STARD9: variants seen among roughly 807,000 people sequenced by gnomAD.
The protein encoded by STARD9 is StAR related lipid transfer domain containing 9, also known as stAR-related lipid transfer protein 9.
Under a neutral mutation model 399.8 loss-of-function variants are expected in STARD9, and 346 were observed. The observed-to-expected ratio is 0.87, with a 90% CI of 0.79 to 0.95. STARD9 has a LOEUF of 0.95. Among genes scored for constraint, STARD9 ranks in the 40% least tolerant of loss-of-function variants. STARD9 has a pLI of 0.00. For synonymous variants in STARD9, 2,203 were observed against 2,143.5 expected, an observed-to-expected ratio of 1.03 and a Z score of -0.77; for missense variants, 5,832 against 5,667.5, an observed-to-expected ratio of 1.03 and a Z score of -0.93.
At chr15:42,699,602 C>T (rs1277197216) in intron 26 of STARD9, among the ~76,000 whole-genome samples, 1 of 151,714 alleles carries the variant, frequency 6.6e-6, no homozygotes, top group Admixed American at 6.6e-5. Context: ...ACCATGTTAG[C>T]CAGGATGGTC....
rs565762474 is a variant in STARD9, at chr15:42,711,097, C to T, written c.13285-5580C>T. On this transcript the variant is annotated intron_variant, in intron 26 of 32. Transcript: ENST00000290607. ...ACCTCAAGTGATCCTCCCGCCTCAG[C>T]CTCTCAAAGTGCTGAAATTACCATC... is the stretch of plus-strand genomic sequence containing the variant. Among the ~76,000 whole-genome samples, 6 of 152,062 alleles carry T rather than the reference C, an allele frequency of 3.9e-5. No individual in the cohort carries two copies. The East Asian group carries it at 1.2e-3, about 29-fold the overall frequency.
chr15:42,686,324 A>G lies in STARD9; in HGVS notation c.4746A>G (p.Lys1582=), dbSNP rs2060555269. ...GVSDFFSTSE[K]EASYDETYSA... The stretch of plus-strand genomic sequence containing the variant: ...CAGATTTCTTTAGCACTAGTGAGAA[A>G]GAGGCGAGTTATGACGAAACTTATT... The change falls in exon 23 of 33, where the codon AAA becomes AAG. Residue 1582 remains lysine (K), a synonymous_variant. Transcript: ENST00000290607. 1 of 1,537,554 alleles carries G rather than the reference A, an allele frequency of 6.5e-7. No individual in the cohort carries two copies. The highest frequency in any genetic ancestry group is 2.0e-5 in the Admixed American group (1 of 51,014).
chr15:42,621,487 T>C (rs2059092793), intron 3 of STARD9, among the ~76,000 whole-genome samples: 1 of 152,172 alleles, frequency 6.6e-6, no homozygotes, highest in Non-Finnish European at 1.5e-5. Flanking sequence ...CTACGATAGG[T>C]TCAGATACAG....
intron 9 of STARD9, among the ~76,000 whole-genome samples, chr15:42,659,301 T>C (rs1161872710): frequency 6.6e-6 from 1 of 152,168 alleles, no homozygotes; most frequent in African/African-American, 2.4e-5. Context: ...CAAAATATGC[T>C]AGTGACAATT....
chr15:42,689,002 GAGTC>G lies in STARD9; in HGVS notation c.7428_7431del (p.Ser2477HisfsTer2). The stretch of plus-strand genomic sequence containing the variant: ...GAGGTGGCTGTACAAAAAGAAATAA[GAGTC>G]AGTTCACTGAACAAGGTCTCTAGCC... On this transcript the variant is annotated frameshift_variant, in exon 23 of 33. Transcript: ENST00000290607. LOFTEE classifies it high-confidence loss of function. 1 of 1,537,344 alleles carries G rather than the reference GAGTC, an allele frequency of 6.5e-7. No individual in the cohort carries two copies. The highest frequency in any genetic ancestry group is 8.7e-7 in the Non-Finnish European group (1 of 1,146,924).
At position 42,582,707 on chromosome 15, in the gene STARD9, T is replaced by C. The variant is rs145999273; in HGVS notation, c.48-639T>C. ...GATGCTCTCTAGAGTTTCTTTTCTTTTGAGAGATGAGATCTTGCTCTGTCA... is the reference window on the plus strand; with the variant it reads ...GATGCTCTCTAGAGTTTCTTTTCTTCTGAGAGATGAGATCTTGCTCTGTCA... On this transcript the variant is annotated intron_variant, in intron 1 of 32. Transcript: ENST00000290607. 2.8e-4 allele frequency among the ~76,000 whole-genome samples: 42 copies of C among 152,326 alleles called. No individual in the cohort carries two copies. In the East Asian group the frequency reaches 5.8e-3, roughly 21 times the overall value.
rs185755328 is a variant in STARD9 at position 42,637,810 on chromosome 15, C to G, written c.352-97C>G. ...AAGAGGCTAGCACAAGGAGTCCATG[C>G]ACTCATCCCCCATGCTGAGGATGGT... is the stretch of plus-strand genomic sequence containing the variant. On this transcript the variant is annotated intron_variant, in intron 4 of 32. Coordinates refer to ENST00000290607, the MANE Select transcript of STARD9 (RefSeq NM_020759.3). The G allele has an allele frequency of 7.1e-6, 9 of 1,260,126 alleles. No individual in the cohort carries two copies. The East Asian group carries it at 2.3e-4, about 32-fold the overall frequency. 78.1% of individuals were successfully genotyped at this position (1,260,126 alleles called of 1,614,324 possible). A position where few individuals can be genotyped will look rare whatever the true frequency, so the allele number is the denominator to read the frequency against.
chr15:42,636,551 A>T (rs2059420701), intron 4 of STARD9, among the ~76,000 whole-genome samples: 1 of 152,194 alleles, frequency 6.6e-6, no homozygotes, highest in African/African-American at 2.4e-5. Context: ...ATTGCACTCC[A>T]GCCTGGGAAA....
At position 42,596,817 on chromosome 15, in the gene STARD9, T is replaced by G. The variant is rs150895411; in HGVS notation, c.234+11180T>G. The stretch of plus-strand genomic sequence containing the variant: ...GATTAGCTTATTAAAATATTTTGCT[T>G]AAAGGCAATGTAAGATAATTGCAAA... On this transcript the variant is annotated intron_variant, in intron 3 of 32. Coordinates refer to ENST00000290607, the MANE Select transcript of STARD9 (RefSeq NM_020759.3). 2.7e-3 allele frequency among the ~76,000 whole-genome samples: 412 copies of G among 152,338 alleles called. 4 individuals are homozygous for G. Among genetic ancestry groups the G allele is most frequent in the Non-Finnish European group, 4.8e-3 (329 of 68,034 alleles).
chr15:42,593,908 T>C (rs1003715438), intron 3 of STARD9, among the ~76,000 whole-genome samples: 5 of 151,996 alleles, frequency 3.3e-5, no homozygotes, highest in Admixed American at 3.3e-4. Context: ...GACCTCATGA[T>C]CCGCCCGCCT....
At chr15:42,605,719 C>A (rs1488164139) in intron 3 of STARD9, among the ~76,000 whole-genome samples, 2 of 152,122 alleles carry the variant, frequency 1.3e-5, no homozygotes, top group African/African-American at 4.8e-5. Flanking sequence ...GAATTGGTGT[C>A]CGAGGAAGAT....
At chr15:42,715,418 G>T (rs576195361) in intron 26 of STARD9, among the ~76,000 whole-genome samples, 59 of 152,244 alleles carry the variant, frequency 3.9e-4, no homozygotes, top group African/African-American at 1.4e-3. Flanking sequence ...AGGGGCTCAC[G>T]CCTGTAATCC....
At chr15:42,607,649 TATACACAC>T (rs1214045705) in intron 3 of STARD9, among the ~76,000 whole-genome samples, 2 of 81,344 alleles carry the variant, frequency 2.5e-5, no homozygotes, top group East Asian at 6.5e-4. Flanking sequence ...CACACACACT[TATACACAC>T]ACACACACAC....
At chr15:42,641,190 G>A (rs897787015) in intron 7 of STARD9, among the ~76,000 whole-genome samples, 2 of 152,174 alleles carry the variant, frequency 1.3e-5, no homozygotes, top group Admixed American at 6.5e-5. Flanking sequence ...GGTTCATGGT[G>A]CAAAGTTCAG....
At chr15:42,616,667 G>A (rs1045130257) in intron 3 of STARD9, among the ~76,000 whole-genome samples, 8 of 151,950 alleles carry the variant, frequency 5.3e-5, no homozygotes, top group East Asian at 3.9e-4. Flanking sequence ...TGAGGTGGGC[G>A]GATCACCAGG....
intron 26 of STARD9, among the ~76,000 whole-genome samples, chr15:42,711,242 C>A (rs1018479134): frequency 6.6e-5 from 10 of 151,604 alleles, no homozygotes; most frequent in African/African-American, 2.4e-4. Context: ...TGGGTTCAAG[C>A]AATTCTCCTG....
chr15:42,635,900 C>G (rs2059410274), intron 4 of STARD9, among the ~76,000 whole-genome samples: 1 of 152,152 alleles, frequency 6.6e-6, no homozygotes, highest in African/African-American at 2.4e-5. Context: ...GAGTCAGGGG[C>G]TTTCAAAAGT....
chr15:42,671,452 C>G (rs1423312759), intron 16 of STARD9: 1 of 152,136 alleles, frequency 6.6e-6, no homozygotes, highest in Admixed American at 6.5e-5. Context: ...AAGTCCTGCT[C>G]CTGTACCCTT....
In STARD9 at chr15:42,690,708, C is replaced by T; in HGVS notation, c.9130C>T (p.Pro3044Ser). ...GCTAACAGAGAGCAGCACTTGTGAGCCTTCTACTGTGGCTGCTGTCCTATC... is the reference window on the plus strand; with the variant it reads ...GCTAACAGAGAGCAGCACTTGTGAGTCTTCTACTGTGGCTGCTGTCCTATC... ...FRLTESSTCE[P>S]STVAAVLSRA... The change falls in exon 23 of 33, where the codon CCT (proline) becomes TCT (serine). Residue 3044 changes from proline to serine, a missense_variant. Physicochemically the swap from Pro to Ser is moderately conservative, Grantham distance 74. Coordinates refer to ENST00000290607, the MANE Select transcript of STARD9 (RefSeq NM_020759.3). 1 of 1,537,216 alleles carries T rather than the reference C, an allele frequency of 6.5e-7. No individual in the cohort carries two copies. Among genetic ancestry groups the T allele is most frequent in the Non-Finnish European group, 8.7e-7 (1 of 1,146,894 alleles).
Sources: allele counts gnomAD v4.1 joint callset (sites outside exome capture counted in the v4.1 genomes callset), GRCh38; gene constraint gnomAD v4.1.1; transcripts MANE v1.5; gene names NCBI Gene and HGNC (gene_info 2026-07-23, HGNC 2026-07-21).